Variants in ATP13A4 observed in about 807,000 individuals in gnomAD.
The protein encoded by ATP13A4 is ATPase 13A4, also known as probable cation-transporting ATPase 13A4.
ATP13A4 carries 114 observed loss-of-function variants against 142.5 expected under a neutral mutation model. The observed-to-expected ratio is 0.80, with a 90% CI of 0.69 to 0.93. The LOEUF (loss-of-function observed/expected upper bound fraction) is 0.93. ATP13A4 is among the 40% of genes least tolerant of loss of function. The probability of loss-of-function intolerance (pLI) is 0.00; values close to 1 mark genes in which losing one functional copy is unlikely to be tolerated. For missense variants in ATP13A4, 1,392 were observed against 1,454.0 expected, an observed-to-expected ratio of 0.96 and a Z score of 0.69; for synonymous variants, 488 against 514.8, an observed-to-expected ratio of 0.95 and a Z score of 0.70.
chr3:193,471,749 T>G (rs1303183524), intron 8 of ATP13A4, among the ~76,000 whole-genome samples: 2 of 152,000 alleles, frequency 1.3e-5, no homozygotes, highest in African/African-American at 4.8e-5. Flanking sequence ...TTCTTACCCA[T>G]GATAAGAGAA....
At chr3:193,442,140 G>A (rs927554434) in intron 19 of ATP13A4, among the ~76,000 whole-genome samples, 17 of 152,284 alleles carry the variant, frequency 1.1e-4, no homozygotes, top group Admixed American at 3.9e-4. Context: ...TCAACTCCAC[G>A]CACTATATTC....
chr3:193,467,334 C>T lies in ATP13A4; in HGVS notation c.1096G>A (p.Ala366Thr), dbSNP rs1055339748. 3 of 1,614,082 alleles carry T rather than the reference C, an allele frequency of 1.9e-6. No homozygotes were observed. Among genetic ancestry groups the T allele is most frequent in the African/African-American group, 2.7e-5 (2 of 74,928 alleles). Residue 366 changes from alanine to threonine, a missense_variant, in exon 10 of 30, where the codon GCC becomes ACC. Ala to Thr is a moderately conservative substitution (Grantham distance 58). Transcript: ENST00000342695. ...AKAACSGTVR[A>T]VVLQTGFNTA... ...TGCTAACCAGTCTGCAGTACCACGGCTCTCACGGTCCCAGAGCAAGCTGCC... is the reference window on the plus strand; with the variant it reads ...TGCTAACCAGTCTGCAGTACCACGGTTCTCACGGTCCCAGAGCAAGCTGCC...
At chr3:193,551,234 A>C (rs1723543592) in intron 1 of ATP13A4, among the ~76,000 whole-genome samples, 1 of 152,174 alleles carries the variant, frequency 6.6e-6, no homozygotes, top group Non-Finnish European at 1.5e-5. Flanking sequence ...CAACACGGTG[A>C]AACACCATCT....
rs1266777774 is a variant in ATP13A4, at chr3:193,401,746, T to C, written c.*906A>G. ...AACAGCAGAGTGTTAAAGCCAAGTG[T>C]GGGGACCTTCTAAGCATGGGGCCCT... On this transcript the variant is annotated 3_prime_UTR_variant, in exon 30 of 30. Coordinates refer to ENST00000342695, the MANE Select transcript of ATP13A4 (RefSeq NM_032279.4). Among the ~76,000 whole-genome samples, 1 of 152,178 alleles carries C rather than the reference T, an allele frequency of 6.6e-6. No homozygotes were observed. Among genetic ancestry groups the C allele is most frequent in the African/African-American group, 2.4e-5 (1 of 41,446 alleles).
intron 19 of ATP13A4, 136 bp downstream of exon 19, chr3:193,442,257 C>A: frequency 1.1e-6 from 1 of 898,832 alleles, no homozygotes; most frequent in Non-Finnish European, 1.8e-6. Context: ...ATGGAAAAAC[C>A]AATGTAACTG....
intron 3 of ATP13A4, among the ~76,000 whole-genome samples, chr3:193,493,996 A>G (rs1210582380): frequency 1.3e-5 from 2 of 152,090 alleles, no homozygotes; most frequent in Non-Finnish European, 2.9e-5. Context: ...TAGTTATATC[A>G]GATAAGATAC....
At chr3:193,554,971 C>T, upstream of ATP13A4, 1 of 1,533,574 alleles carries the variant, frequency 6.5e-7, no homozygotes, top group Non-Finnish European at 8.8e-7. Flanking sequence ...CAATACTTGG[C>T]AAACTGAACT....
chr3:193,544,010 AG>A (rs1271188837), intron 1 of ATP13A4, among the ~76,000 whole-genome samples: 5 of 152,182 alleles, frequency 3.3e-5, no homozygotes, highest in African/African-American at 1.2e-4. Flanking sequence ...GGTGTTCATC[AG>A]ACAGACTGGG....
rs71177402 is a variant in ATP13A4 at position 193,399,845 on chromosome 3, CAAA to C, written c.*2804_*2806del. 2.8e-5 allele frequency among the ~76,000 whole-genome samples: 2 copies of C among 72,704 alleles called. No individual in the cohort carries two copies. Among genetic ancestry groups the C allele is most frequent in the South Asian group, 7.1e-4 (1 of 1,408 alleles). 47.7% of individuals were successfully genotyped at this position (72,704 alleles called of 152,430 possible). A position where few individuals can be genotyped will look rare whatever the true frequency, so the allele number is the denominator to read the frequency against. On this transcript the variant is annotated 3_prime_UTR_variant, in exon 30 of 30. Transcript: ENST00000342695. ...TGGGCAACAGAGTGAGACTCCATCT[CAAA>C]AAAAAAAAAAAAAAAAAAAGGTTCA...
In ATP13A4 at chr3:193,435,683, T is replaced by G; in HGVS notation, c.2734A>C (p.Met912Leu). The G allele has an allele frequency of 6.2e-7, 1 of 1,614,076 alleles. No individual in the cohort carries two copies. The highest frequency in any genetic ancestry group is 1.3e-5 in the African/African-American group (1 of 75,010). Residue 912 changes from methionine (M) to leucine (L), a missense_variant, in exon 24 of 30, where the codon ATG becomes CTG. Met to Leu is a conservative substitution (Grantham distance 15). Coordinates refer to ENST00000342695, the MANE Select transcript of ATP13A4 (RefSeq NM_032279.4). ...CMFKYMALYS[M>L]IQYVGVLLLY... ...AGCAGAACACCAACATACTGAATCATGCTGTACAGAGCCATGTACTTAAAC... is the reference window on the plus strand; with the variant it reads ...AGCAGAACACCAACATACTGAATCAGGCTGTACAGAGCCATGTACTTAAAC...
chr3:193,467,591 C>T (rs1718378095), intron 9 of ATP13A4, 105 bp from the exon 10 acceptor site: 2 of 1,194,226 alleles, frequency 1.7e-6, no homozygotes, highest in African/African-American at 1.5e-5. Context: ...TGTGAGCCTA[C>T]CATGTGGCAG....
intron 1 of ATP13A4, among the ~76,000 whole-genome samples, chr3:193,545,616 C>T (rs1451722620): frequency 6.6e-6 from 1 of 152,166 alleles, no homozygotes; most frequent in Non-Finnish European, 1.5e-5. Flanking sequence ...CTAGTCTTCA[C>T]AAAGCCTTGA....
At chr3:193,444,146 C>T (rs991030424) in intron 18 of ATP13A4, among the ~76,000 whole-genome samples, 1 of 152,044 alleles carries the variant, frequency 6.6e-6, no homozygotes, top group Non-Finnish European at 1.5e-5. Flanking sequence ...AGTAATCAAA[C>T]TGCTAAAAAT....
In ATP13A4 at chr3:193,582,436, C is replaced by T. The variant is rs575691862; in HGVS notation, n.92-530G>A. ...TGTTGGGACTACAGGCGTGAGCCACCGCACCTGGCCATATGTATACTTTAA... is the reference window on the plus strand; with the variant it reads ...TGTTGGGACTACAGGCGTGAGCCACTGCACCTGGCCATATGTATACTTTAA... On this transcript the variant is annotated intron_variant and non_coding_transcript_variant, in intron 1 of 3. Coordinates refer to the ATP13A4 transcript ENST00000489140. Among the ~76,000 whole-genome samples the T allele has an allele frequency of 4.2e-3, 623 of 147,556 alleles. 9 individuals are homozygous for T. Among genetic ancestry groups the T allele is most frequent in the African/African-American group, 0.014 (566 of 40,354 alleles).
At chr3:193,512,835 G>C (rs1397600084) in intron 2 of ATP13A4, among the ~76,000 whole-genome samples, 2 of 152,100 alleles carry the variant, frequency 1.3e-5, no homozygotes, top group Non-Finnish European at 1.5e-5. Flanking sequence ...CACCTCCCTA[G>C]CCCCATTTCC....
chr3:193,399,984 C>G lies in ATP13A4; in HGVS notation c.*2668G>C, dbSNP rs141260784. Among the ~76,000 whole-genome samples, 2 of 152,088 alleles carry G rather than the reference C, an allele frequency of 1.3e-5. No homozygotes were observed. Among genetic ancestry groups the G allele is most frequent in the Admixed American group, 6.5e-5 (1 of 15,278 alleles). On this transcript the variant is annotated 3_prime_UTR_variant, in exon 30 of 30. Transcript: ENST00000342695. ...CCTTCTCTACTTGGCCCTTGAATAG[C>G]CACTTGTTCCTCCAATGTCCTAGAG... is the stretch of plus-strand genomic sequence containing the variant.
intron 1 of ATP13A4, among the ~76,000 whole-genome samples, chr3:193,519,791 C>A (rs1482649285): frequency 6.6e-6 from 1 of 151,364 alleles, no homozygotes; most frequent in Non-Finnish European, 1.5e-5. Context: ...ATTACAGGCG[C>A]CCGTCACTGT....
At chr3:193,409,204 A>G (rs939380428) in intron 28 of ATP13A4, among the ~76,000 whole-genome samples, 1 of 152,222 alleles carries the variant, frequency 6.6e-6, no homozygotes. Context: ...GCAAAACAAC[A>G]TGATTCCATC....
intron 8 of ATP13A4, among the ~76,000 whole-genome samples, chr3:193,483,368 T>C (rs1255115057): frequency 1.3e-5 from 2 of 152,210 alleles, no homozygotes; most frequent in Admixed American, 6.5e-5. Context: ...CATGGGAATA[T>C]ACATATGCCA....
Sources: gnomAD v4.1 joint callset for allele counts (sites outside exome capture counted in the v4.1 genomes callset) on GRCh38, gnomAD v4.1.1 for gene constraint, MANE v1.5 for transcripts, NCBI Gene and HGNC (gene_info 2026-07-23, HGNC 2026-07-21) for gene names.